PDE4D: variants seen among roughly 807,000 people sequenced by gnomAD.
PDE4D encodes phosphodiesterase 4D.
Under a neutral mutation model 87.4 loss-of-function variants are expected in PDE4D, and 24 were observed. That is an observed-to-expected ratio of 0.27 (90% CI 0.20 to 0.39). The LOEUF (loss-of-function observed/expected upper bound fraction) is 0.39. Among genes scored for constraint, PDE4D ranks in the 10% least tolerant of loss-of-function variants. The probability of loss-of-function intolerance (pLI) is 1.00; values close to 1 mark genes in which losing one functional copy is unlikely to be tolerated. For missense variants in PDE4D, 714 were observed against 1,041.0 expected, an observed-to-expected ratio of 0.69 and a Z score of 4.32; for synonymous variants, 384 against 383.2, an observed-to-expected ratio of 1.00 and a Z score of -0.02.
chr5:58,973,287 C>T lies in PDE4D; in HGVS notation c.*1377G>A, dbSNP rs923981567. On this transcript the variant is annotated 3_prime_UTR_variant, in exon 15 of 15. Coordinates refer to ENST00000340635, the MANE Select transcript of PDE4D (RefSeq NM_001104631.2). ...ATGAATGTTAACCCTAACTTAACTA[C>T]CTGTTTCTTTTCACCGGTGACAATG... 1.3e-5 allele frequency: 2 copies of T among 152,166 alleles called. No homozygotes were observed. Among genetic ancestry groups the T allele is most frequent in the Non-Finnish European group, 2.9e-5 (2 of 68,034 alleles). The allele number at this position is 152,166 out of a possible 1,614,324, so 9.4% of individuals were successfully genotyped here.
At chr5:59,432,907 C>A (rs1296158196) in intron 1 of PDE4D, among the ~76,000 whole-genome samples, 2 of 151,952 alleles carry the variant, frequency 1.3e-5, no homozygotes, top group East Asian at 1.9e-4. Flanking sequence ...AGCAAAAATT[C>A]TGTTATGTTT....
At chr5:59,700,798 C>A (rs1007861928) in intron 1 of PDE4D, among the ~76,000 whole-genome samples, 6 of 152,196 alleles carry the variant, frequency 3.9e-5, no homozygotes, top group African/African-American at 1.4e-4. Flanking sequence ...ATCATATCCA[C>A]TAAACATTTA....
chr5:59,988,635 G>T lies in PDE4D; in HGVS notation c.125C>A (p.Ser42Ter). Residue 42 changes from serine (S) to a stop codon, truncating the protein, a stop_gained, in exon 3 of 17, where the codon TCA becomes TAA. Transcript: ENST00000502484. LOFTEE classifies it high-confidence loss of function. ...AGGGGGAAGCTGAATATTGCGACATGAAAGTCTCCGGACAAGATAGGGTTC... is the reference window on the plus strand; with the variant it reads ...AGGGGGAAGCTGAATATTGCGACATTAAAGTCTCCGGACAAGATAGGGTTC... 1.3e-6 allele frequency: 2 copies of T among 1,599,310 alleles called. No individual in the cohort carries two copies. Among genetic ancestry groups the T allele is most frequent in the Non-Finnish European group, 1.7e-6 (2 of 1,179,610 alleles).
At chr5:59,692,044 G>A (rs1336231680) in intron 1 of PDE4D, among the ~76,000 whole-genome samples, 1 of 152,068 alleles carries the variant, frequency 6.6e-6, no homozygotes, top group Non-Finnish European at 1.5e-5. Context: ...ATGATAGGAA[G>A]AATTCATAGG....
intron 1 of PDE4D, among the ~76,000 whole-genome samples, chr5:60,429,567 G>A (rs1744015260): frequency 1.3e-5 from 2 of 152,132 alleles, no homozygotes; most frequent in South Asian, 4.1e-4. Flanking sequence ...AATACTCCCA[G>A]CTTTTGCCCA....
At chr5:58,993,293 T>C in intron 7 of PDE4D, 79 bp downstream of exon 7, 1 of 726,424 alleles carries the variant, frequency 1.4e-6, no homozygotes, top group East Asian at 2.8e-5. Flanking sequence ...CCAAAATGAG[T>C]TGGCACCCCA....
At chr5:59,394,251 C>T (rs1788853879) in intron 1 of PDE4D, among the ~76,000 whole-genome samples, 1 of 152,182 alleles carries the variant, frequency 6.6e-6, no homozygotes, top group Non-Finnish European at 1.5e-5. Flanking sequence ...GCCCCTGAAG[C>T]ATTATGCAGG....
At chr5:59,359,790 A>G (rs1278654202) in intron 1 of PDE4D, among the ~76,000 whole-genome samples, 1 of 152,158 alleles carries the variant, frequency 6.6e-6, no homozygotes, top group Non-Finnish European at 1.5e-5. Context: ...ATTTTAGTAA[A>G]AGCATGATTC....
chr5:59,108,068 A>G (rs1771934666), intron 5 of PDE4D, among the ~76,000 whole-genome samples: 2 of 152,266 alleles, frequency 1.3e-5, no homozygotes, highest in Admixed American at 1.3e-4. Flanking sequence ...AGCCCAGCAC[A>G]GACTGCAAAA....
At chr5:60,176,981 G>A (rs772502910) in intron 2 of PDE4D, among the ~76,000 whole-genome samples, 11 of 152,120 alleles carry the variant, frequency 7.2e-5, no homozygotes, top group Non-Finnish European at 1.3e-4. Flanking sequence ...AAAGCAACAG[G>A]GGGTAGGTCA....
intron 1 of PDE4D, among the ~76,000 whole-genome samples, chr5:60,301,458 T>A (rs1753886193): frequency 6.6e-6 from 1 of 152,208 alleles, no homozygotes; most frequent in Non-Finnish European, 1.5e-5. Flanking sequence ...GGTATTTTAT[T>A]CTTTCTGTAG....
chr5:59,654,976 T>C (rs1171006714), intron 1 of PDE4D, among the ~76,000 whole-genome samples: 1 of 152,216 alleles, frequency 6.6e-6, no homozygotes, highest in African/African-American at 2.4e-5. Flanking sequence ...ATTTGGATTG[T>C]TTCCACTTTT....
At chr5:59,240,376 A>G (rs1757391861) in intron 1 of PDE4D, among the ~76,000 whole-genome samples, 1 of 152,218 alleles carries the variant, frequency 6.6e-6, no homozygotes, top group Admixed American at 6.6e-5. Flanking sequence ...GTAATATGCC[A>G]GTTTTAGCAA....
At chr5:59,985,048 C>T (rs1762278088) in intron 3 of PDE4D, among the ~76,000 whole-genome samples, 2 of 151,110 alleles carry the variant, frequency 1.3e-5, no homozygotes, top group African/African-American at 4.8e-5. Context: ...TTAGCTCTTT[C>T]TGACAGCTGT....
intron 1 of PDE4D, among the ~76,000 whole-genome samples, chr5:59,883,894 A>C (rs1749798139): frequency 6.6e-6 from 1 of 152,054 alleles, no homozygotes; most frequent in African/African-American, 2.4e-5. Context: ...TTTATCTTTT[A>C]CTAAATTTTT....
At chr5:58,989,289 TAAG>T (rs1221551160) in intron 10 of PDE4D, among the ~76,000 whole-genome samples, 3 of 152,294 alleles carry the variant, frequency 2.0e-5, no homozygotes, top group Admixed American at 6.5e-5. Context: ...ATATATTTCT[TAAG>T]AAAATCAAAT....
intron 1 of PDE4D, among the ~76,000 whole-genome samples, chr5:59,768,036 C>T (rs1763015523): frequency 6.6e-6 from 1 of 152,120 alleles, no homozygotes; most frequent in South Asian, 2.1e-4. Flanking sequence ...TGAGAACCAC[C>T]CACCTCAACC....
intron 5 of PDE4D, among the ~76,000 whole-genome samples, chr5:59,149,567 A>T (rs752343819): frequency 1.3e-4 from 20 of 152,146 alleles, no homozygotes; most frequent in Admixed American, 2.6e-4. Flanking sequence ...TGATACTGGA[A>T]TGGAGATTTA....
intron 1 of PDE4D, among the ~76,000 whole-genome samples, chr5:59,603,801 A>T (rs1458673559): frequency 6.6e-6 from 1 of 152,016 alleles, no homozygotes; most frequent in Non-Finnish European, 1.5e-5. Flanking sequence ...ACAAAATTTC[A>T]GTTAGATAAG....
Sources: gnomAD v4.1 joint callset for allele counts (sites outside exome capture counted in the v4.1 genomes callset) on GRCh38, gnomAD v4.1.1 for gene constraint, MANE v1.5 for transcripts, NCBI Gene and HGNC (gene_info 2026-07-23, HGNC 2026-07-21) for gene names.